Variants in CACNA1F observed in about 807,000 individuals in gnomAD.
The protein encoded by CACNA1F is voltage-dependent L-type calcium channel subunit alpha-1F.
Under a neutral mutation model 143.8 loss-of-function variants are expected in CACNA1F, and 59 were observed. The observed-to-expected ratio is 0.41, with a 90% CI of 0.33 to 0.51. The LOEUF is 0.51. Among genes scored for constraint, CACNA1F ranks in the 20% least tolerant of loss-of-function variants. CACNA1F has a pLI of 0.22. For missense variants in CACNA1F, 1,411 were observed against 1,647.5 expected, an observed-to-expected ratio of 0.86 and a Z score of 2.48; for synonymous variants, 643 against 649.1, an observed-to-expected ratio of 0.99 and a Z score of 0.14.
At chrX:49,227,907 C>G in intron 8 of CACNA1F, 129 bp downstream of exon 8, 1 of 534,141 alleles carries the variant, frequency 1.9e-6, no homozygotes, top group Non-Finnish European at 3.4e-6. Context: ...GCCTCACATA[C>G]AATAGATGCT....
At chrX:49,222,625 A>G in intron 16 of CACNA1F, 22 bp from the exon 17 acceptor site, 1 of 1,204,388 alleles carries the variant, frequency 8.3e-7, no homozygotes. Flanking sequence ...TTAGGCTGCA[A>G]AGGATGGAGA....
intron 14 of CACNA1F, among the ~76,000 whole-genome samples, chrX:49,223,595 CAAAAAAA>C (rs58022930): frequency 2.5e-4 from 6 of 23,681 alleles, no homozygotes; most frequent in Non-Finnish European, 3.7e-4. Context: ...GACTCTGTCT[CAAAAAAA>C]AAAAAAAAAA....
chrX:49,210,170 G>A (rs992741842), intron 39 of CACNA1F, 128 bp from the exon 40 acceptor site: 14 of 674,285 alleles, frequency 2.1e-5, no homozygotes, highest in Middle Eastern at 3.3e-4. Flanking sequence ...TGGACGGGGT[G>A]GGGGGAAACA....
chrX:49,217,772 G>A lies in CACNA1F; in HGVS notation c.3072C>T (p.His1024=). The A allele has an allele frequency of 8.3e-7, 1 of 1,209,599 alleles. No homozygotes were observed. The highest frequency in any genetic ancestry group is 1.1e-6 in the Non-Finnish European group (1 of 893,944). Residue 1024 remains histidine, a synonymous_variant, in exon 26 of 48, where the codon CAC becomes CAT. Coordinates refer to ENST00000323022, the MANE Select transcript of CACNA1F (RefSeq NM_001256789.3). The part of the protein sequence containing the change: ...KFYTCTDEAK[H]TPQECKGSFL... ...GCACTCACTTGCATTCTTGAGGGGT[G>A]TGTTTGGCCTCGTCCGTGCAGGTGT...
intron 14 of CACNA1F, 67 bp from the exon 15 acceptor site, chrX:49,223,203 G>A: frequency 1.4e-6 from 1 of 728,828 alleles, no homozygotes; most frequent in Non-Finnish European, 2.1e-6. Context: ...AGCATCAGGA[G>A]CCAGGGCAGG....
In CACNA1F at chrX:49,221,023, C is replaced by T. The variant is rs782359518; in HGVS notation, c.2334+12G>A. 27 of 1,194,713 alleles carry T rather than the reference C, an allele frequency of 2.3e-5. No individual in the cohort carries two copies. Among genetic ancestry groups the T allele is most frequent in the Non-Finnish European group, 3.1e-5 (27 of 879,719 alleles). On this transcript the variant is annotated intron_variant, in intron 18 of 47. Coordinates refer to ENST00000323022, the MANE Select transcript of CACNA1F (RefSeq NM_001256789.3). ...GTGGGAGGTGTAGACAGTGCCCAGGCATCTAACTCACCAGGCCTTCATTCT... is the reference window on the plus strand; with the variant it reads ...GTGGGAGGTGTAGACAGTGCCCAGGTATCTAACTCACCAGGCCTTCATTCT...
chrX:49,224,314 G>A (rs2065803569), intron 14 of CACNA1F, among the ~76,000 whole-genome samples: 1 of 110,113 alleles, frequency 9.1e-6, no homozygotes, highest in African/African-American at 3.3e-5. Context: ...TGACAGGGAT[G>A]GGGCTGGGAG....
Position 49,224,811 on chromosome X carries a change from G to A in CACNA1F, c.1827C>T (p.Gly609=). Residue 609 remains glycine, a synonymous_variant, in exon 14 of 48, where the codon GGC becomes GGT. Transcript: ENST00000323022. ...LVEVGAMQPL[G]ISVLRCVRLL... ...GGCGCACACATCGGAGCACTGAGAT[G>A]CCCAAGGGCTGCATGGCACCCACCT... 1 of 1,196,330 alleles carries A rather than the reference G, an allele frequency of 8.4e-7. No homozygotes were observed. Among genetic ancestry groups the A allele is most frequent in the Non-Finnish European group, 1.1e-6 (1 of 886,747 alleles).
At chrX:49,224,126 G>T (rs1265543944) in intron 14 of CACNA1F, among the ~76,000 whole-genome samples, 1 of 111,070 alleles carries the variant, frequency 9.0e-6, no homozygotes, top group African/African-American at 3.3e-5. Context: ...ATGTATTTGG[G>T]GTTGGAGATG....
chrX:49,208,429 C>CCCAACT, intron 43 of CACNA1F, 86 bp downstream of exon 43: 1 of 597,037 alleles, frequency 1.7e-6, no homozygotes, highest in Non-Finnish European at 2.6e-6. Flanking sequence ...TCCCACCCCC[C>CCCAACT]TCAACTTCCT....
Position 49,211,148 on chromosome X carries a change from C to T in CACNA1F, c.4261-56G>A, listed in dbSNP as rs191715851. ...GTGAAGGGCAGAACACTGTCATGGACGGATGGTGGGAGGCTGGGGCGGGCT... is the reference window on the plus strand; with the variant it reads ...GTGAAGGGCAGAACACTGTCATGGATGGATGGTGGGAGGCTGGGGCGGGCT... On this transcript the variant is annotated intron_variant, in intron 36 of 47. Transcript: ENST00000323022. 2.7e-5 allele frequency: 32 copies of T among 1,174,527 alleles called. No homozygotes were observed. The African/African-American group carries it at 3.2e-4, about 12-fold the overall frequency.
At position 49,205,601 on chromosome X, in the gene CACNA1F, G is replaced by A. The variant is rs1230968761; in HGVS notation, c.5670+15C>T. The A allele has an allele frequency of 8.4e-7, 1 of 1,192,555 alleles. No individual in the cohort carries two copies. The highest frequency in any genetic ancestry group is 1.1e-6 in the Non-Finnish European group (1 of 884,083). On this transcript the variant is annotated intron_variant, in intron 47 of 47. Coordinates refer to ENST00000323022, the MANE Select transcript of CACNA1F (RefSeq NM_001256789.3). ...TCTCCCCCATCCGTCTTGTCTATAT[G>A]CCCTCTGGACTCACAGCCTCCACCA...
rs1557108412 is a variant in CACNA1F, at chrX:49,219,747, T to C, written c.2430A>G (p.Glu810=). The C allele has an allele frequency of 9.0e-7, 1 of 1,115,911 alleles. No homozygotes were observed. The highest frequency in any genetic ancestry group is 1.2e-6 in the Non-Finnish European group (1 of 827,768). The allele number at this position is 1,115,911 out of a possible 1,213,427, so 92.0% of individuals were successfully genotyped here. ...CACCCCCTGCACCCTCTTCCTCTTC[T>C]TCCTCTTCTTCCTCTTCTTCCTCCT... ...EEEEEEEEEE[E]EEEEGAGGVE... The change falls in exon 20 of 48, where the codon GAA becomes GAG. Residue 810 remains glutamate (E), a synonymous_variant. Coordinates refer to ENST00000323022, the MANE Select transcript of CACNA1F (RefSeq NM_001256789.3).
At chrX:49,226,334 C>G in intron 11 of CACNA1F, 75 bp downstream of exon 11, 1 of 1,139,760 alleles carries the variant, frequency 8.8e-7, no homozygotes, top group East Asian at 3.0e-5. Context: ...GAGATCGAGG[C>G]TTGAGGCTAA....
intron 37 of CACNA1F, 33 bp downstream of exon 37, chrX:49,210,932 C>T (rs1281676272): frequency 5.0e-6 from 6 of 1,190,120 alleles, no homozygotes; most frequent in Non-Finnish European, 6.8e-6. Context: ...TACATTGTCC[C>T]CTGGATTCTA....
At chrX:49,208,067 G>A (rs1377007304) in intron 43 of CACNA1F, among the ~76,000 whole-genome samples, 2 of 107,600 alleles carry the variant, frequency 1.9e-5, no homozygotes, top group Admixed American at 2.0e-4. Context: ...GCATTATGGC[G>A]CACGCCTGTA....
At position 49,209,358 on chromosome X, in the gene CACNA1F, C is replaced by T. The variant is rs1557105665; in HGVS notation, c.4857G>A (p.Glu1619=). The part of the protein sequence containing the change: ...GLRSLQDLGP[E]MRQALTCDTE... ...TGTCACAGGTGAGGGCCTGCCGCAT[C>T]TCAGGACCCAAGTCCTGCAGGCTCC... The change falls in exon 42 of 48, where the codon GAG becomes GAA. Residue 1619 remains glutamate (E), a synonymous_variant. Coordinates refer to ENST00000323022, the MANE Select transcript of CACNA1F (RefSeq NM_001256789.3). 8.3e-7 allele frequency: 1 copy of T among 1,210,409 alleles called. No individual in the cohort carries two copies. The highest frequency in any genetic ancestry group is 2.2e-5 in the Admixed American group (1 of 46,038).
In CACNA1F at chrX:49,228,037, C is replaced by A; in HGVS notation, c.1117G>T (p.Gly373Trp). 1 of 1,196,549 alleles carries A rather than the reference C, an allele frequency of 8.4e-7. No homozygotes were observed. The highest frequency in any genetic ancestry group is 1.1e-6 in the Non-Finnish European group (1 of 881,750). ...GCAGGGAGTGTCTAGGTCTCTCACCCACTCAGGACGCCAAGCACAAGGTTG... is the reference window on the plus strand; with the variant it reads ...GCAGGGAGTGTCTAGGTCTCTCACCAACTCAGGACGCCAAGCACAAGGTTG... ...VLNLVLGVLS[G>W]EFSKEREKAK... The change falls in exon 8 of 48, where the codon GGG (glycine) becomes TGG (tryptophan). Residue 373 changes from glycine (G) to tryptophan (W), a missense_variant and splice_region_variant. Physicochemically the swap from Gly to Trp is radical, Grantham distance 184. This residue lies in a region of CACNA1F where 950 missense variants were observed against 1,128.1 expected (regional missense o/e 0.84). Transcript: ENST00000323022.
At position 49,230,495 on chromosome X, in the gene CACNA1F, C is replaced by T; in HGVS notation, c.636G>A (p.Arg212=). ...GGACCCCAGACACCAGCCTCAGTGGCCGCAGCACCCGAAACGCCCTCAATG... is the reference window on the plus strand; with the variant it reads ...GGACCCCAGACACCAGCCTCAGTGGTCGCAGCACCCGAAACGCCCTCAATG... ...VKALRAFRVL[R]PLRLVSGVPS... Residue 212 remains arginine (R), a synonymous_variant, in exon 5 of 48, where the codon CGG becomes CGA. Coordinates refer to ENST00000323022, the MANE Select transcript of CACNA1F (RefSeq NM_001256789.3). 2 of 1,208,789 alleles carry T rather than the reference C, an allele frequency of 1.7e-6. No homozygotes were observed. Among genetic ancestry groups the T allele is most frequent in the East Asian group, 3.0e-5 (1 of 33,731 alleles).
Sources: allele counts gnomAD v4.1 joint callset (sites outside exome capture counted in the v4.1 genomes callset), GRCh38; gene constraint gnomAD v4.1.1; regional missense constraint gnomAD v4.1.1; transcripts MANE v1.5; gene names NCBI Gene and HGNC (gene_info 2026-07-23, HGNC 2026-07-21).